The following PRSS48 variants were observed in gnomAD, a reference collection of about 807,000 sequenced individuals.
PRSS48 encodes epidermis-specific serine protease-like protein.
In PRSS48, 21 loss-of-function variants were observed where a neutral mutation model predicts 25.6. The observed-to-expected ratio is 0.82, with a 90% CI of 0.58 to 1.18. The LOEUF (loss-of-function observed/expected upper bound fraction) is 1.18, where lower values mean the gene tolerates loss of function less well. PRSS48 is among the 50% of genes most tolerant of loss of function. PRSS48 has a pLI of 0.00. For missense variants in PRSS48, 373 were observed against 399.3 expected (o/e 0.93, Z 0.56); for synonymous variants, 150 against 149.3 (o/e 1.00, Z -0.04).
At chr4:151,287,078 C>T (rs1001482355) in intron 4 of PRSS48, among the ~76,000 whole-genome samples, 3 of 151,516 alleles carry the variant, frequency 2.0e-5, no homozygotes, top group Non-Finnish European at 2.9e-5. Context: ...CAGTGGCTCA[C>T]ACCTGTAATC....
At chr4:151,286,492 G>A (rs1774800638) in intron 4 of PRSS48, among the ~76,000 whole-genome samples, 1 of 150,536 alleles carries the variant, frequency 6.6e-6, no homozygotes, top group Admixed American at 6.6e-5. Context: ...AGATAACTAA[G>A]ATGATATGGA....
chr4:151,285,707 A>C (rs1384499404), intron 4 of PRSS48, among the ~76,000 whole-genome samples: 2 of 152,004 alleles, frequency 1.3e-5, no homozygotes, highest in Non-Finnish European at 2.9e-5. Flanking sequence ...TCTCTACTAA[A>C]AATTTAAAAA....
At chr4:151,283,202 T>C in exon 4 of PRSS48, 1 of 1,613,918 alleles carries the variant, frequency 6.2e-7, no homozygotes, top group Non-Finnish European at 8.5e-7. Context: ...ATCCCATCGG[T>C]ATCTTCTTGC....
chr4:151,287,580 G>C (rs893521759), intron 4 of PRSS48, among the ~76,000 whole-genome samples: 1 of 152,106 alleles, frequency 6.6e-6, no homozygotes, highest in African/African-American at 2.4e-5. Context: ...AATCCAAACT[G>C]GGGGTAATTA....
At chr4:151,282,960 A>G (rs1040975967) in intron 3 of PRSS48, among the ~76,000 whole-genome samples, 157 bp from the exon 4 acceptor site, 1 of 152,228 alleles carries the variant, frequency 6.6e-6, no homozygotes, top group Non-Finnish European at 1.5e-5. Context: ...TTTAGATTTA[A>G]GTGTACCAAA....
At chr4:151,283,508 CTT>C (rs5862956) in intron 4 of PRSS48, among the ~76,000 whole-genome samples, 44,659 of 126,404 alleles carry the variant, frequency 0.35, 8,716 homozygotes, top group Non-Finnish European at 0.46. Flanking sequence ...GGTCATTGGA[CTT>C]TTTTTTTTTT....
exon 2 of PRSS48, chr4:151,279,813 T>C: frequency 6.2e-7 from 1 of 1,613,998 alleles, no homozygotes; most frequent in Middle Eastern, 1.7e-4. Context: ...GCAACCTGTA[T>C]ACTCCAGCCG....
intron 2 of PRSS48, among the ~76,000 whole-genome samples, 160 bp downstream of exon 2, chr4:151,280,118 G>GCGGAAGGAAACC (rs1554066269): frequency 6.6e-6 from 1 of 152,210 alleles, no homozygotes; most frequent in Admixed American, 6.5e-5. Flanking sequence ...TAGAGACAGG[G>GCGGAAGGAAACC]CATAGAAGTA....
chr4:151,279,758 C>G, intron 1 of PRSS48, 38 bp from the exon 2 acceptor site: 2 of 1,600,456 alleles, frequency 1.2e-6, no homozygotes, highest in Non-Finnish European at 1.7e-6. Flanking sequence ...AAACAGGACT[C>G]CTAGGTTTCC....
chr4:151,277,262 G>A (rs956782843), intron 1 of PRSS48, 38 bp downstream of exon 1: 21 of 1,445,572 alleles, frequency 1.5e-5, no homozygotes, highest in Non-Finnish European at 1.8e-5. Context: ...CAGAGGCAGA[G>A]GATTTTTACT....
Position 151,279,866 on chromosome 4 carries a change from G to A in PRSS48, c.123G>A (p.Trp41Ter), listed in dbSNP as rs1186152197. ...ATGCTGCTGCAGGGCGCTGGCCTTG[G>A]CAGGTCAGCCTACACTTTGACCACA... The change falls in exon 2 of 5, where the codon TGG (tryptophan) becomes TGA (stop). Residue 41 changes from tryptophan to a stop codon, truncating the protein, a stop_gained. Transcript: ENST00000455694. LOFTEE classifies it high-confidence loss of function. The A allele has an allele frequency of 6.2e-7, 1 of 1,613,164 alleles. No individual in the cohort carries two copies. The highest frequency in any genetic ancestry group is 8.5e-7 in the Non-Finnish European group (1 of 1,179,486).
At chr4:151,289,489 T>C (rs1461604546) in intron 4 of PRSS48, among the ~76,000 whole-genome samples, 3 of 152,214 alleles carry the variant, frequency 2.0e-5, no homozygotes, top group Admixed American at 6.5e-5. Context: ...GTAAGGGATC[T>C]GTATCTAGAA....
chr4:151,278,096 A>G (rs566356904), intron 1 of PRSS48, among the ~76,000 whole-genome samples: 11 of 152,300 alleles, frequency 7.2e-5, no homozygotes, highest in African/African-American at 2.4e-4. Flanking sequence ...GGTAGCAAAG[A>G]AGAAAGATAC....
Position 151,287,994 on chromosome 4 carries a change from C to A in PRSS48, c.652-3124C>A, listed in dbSNP as rs191479697. On this transcript the variant is annotated intron_variant, in intron 4 of 4. Transcript: ENST00000455694. ...CCAGAAATCAATCAATGTTAATATA[C>A]CATGTTCTTAGAATAAAGAGCAAAA... Among the ~76,000 whole-genome samples, 147 of 152,158 alleles carry A rather than the reference C, an allele frequency of 9.7e-4. 1 individual carries two copies. The highest frequency in any genetic ancestry group is 3.5e-3 in the African/African-American group (144 of 41,512).
At chr4:151,285,943 G>A (rs891545514) in intron 4 of PRSS48, among the ~76,000 whole-genome samples, 9 of 150,888 alleles carry the variant, frequency 6.0e-5, no homozygotes, top group African/African-American at 7.3e-5. Context: ...ACCTGTAATC[G>A]CAGCACTTTG....
intron 2 of PRSS48, among the ~76,000 whole-genome samples, chr4:151,281,783 A>G (rs957308865): frequency 6.6e-6 from 1 of 152,102 alleles, no homozygotes; most frequent in African/African-American, 2.4e-5. Context: ...TTATTCAGAA[A>G]TGAAGGTCTA....
chr4:151,279,210 A>G, intron 1 of PRSS48: 1 of 250,958 alleles, frequency 4.0e-6, no homozygotes, highest in South Asian at 4.2e-5. Flanking sequence ...AAGAAGAGAA[A>G]GAGAAATGTG....
At chr4:151,291,477 C>T (rs181109910), downstream of PRSS48, 1 of 1,444,080 alleles carries the variant, frequency 6.9e-7, no homozygotes, top group Admixed American at 2.2e-5. Context: ...CACTGCTAAC[C>T]CTGGGTGACT....
At chr4:151,285,550 G>A (rs950902717) in intron 4 of PRSS48, among the ~76,000 whole-genome samples, 1 of 152,152 alleles carries the variant, frequency 6.6e-6, no homozygotes, top group African/African-American at 2.4e-5. Flanking sequence ...AAATCTTATG[G>A]AAGCAGCTAA....
Sources: allele counts gnomAD v4.1 joint callset (sites outside exome capture counted in the v4.1 genomes callset), GRCh38; gene constraint gnomAD v4.1.1; transcripts MANE v1.5; gene names NCBI Gene and HGNC (gene_info 2026-07-23, HGNC 2026-07-21).